The following NRXN1 variants were observed in gnomAD, a reference collection of about 807,000 sequenced individuals.
NRXN1 encodes neurexin 1, also known as neurexin-1.
In NRXN1, 39 loss-of-function variants were observed where a neutral mutation model predicts 150.9. The ratio of observed to expected loss-of-function variants is 0.26; its 90% CI spans 0.20 to 0.34. NRXN1 has a LOEUF of 0.34. Among genes scored for constraint, NRXN1 ranks in the 10% least tolerant of loss-of-function variants. The pLI is 1.00. For missense variants in NRXN1, 1,815 were observed against 1,949.9 expected (o/e 0.93, Z 1.30); for synonymous variants, 924 against 757.0 (o/e 1.22, Z -3.62).
chr2:49,980,564 C>T (rs1478278340), intron 21 of NRXN1, among the ~76,000 whole-genome samples: 1 of 152,028 alleles, frequency 6.6e-6, no homozygotes, highest in East Asian at 1.9e-4. Context: ...GGGATAGTTT[C>T]CCATATTGAG....
chr2:50,703,547 T>C (rs191777559), intron 5 of NRXN1, among the ~76,000 whole-genome samples: 97 of 152,274 alleles, frequency 6.4e-4, no homozygotes, highest in African/African-American at 2.3e-3. Context: ...TCATTTAAAG[T>C]ATGTTTTGGT....
chr2:50,971,313 G>A (rs1301914988), intron 2 of NRXN1, among the ~76,000 whole-genome samples: 1 of 152,076 alleles, frequency 6.6e-6, no homozygotes, highest in African/African-American at 2.4e-5. Flanking sequence ...GGCCGGGCGT[G>A]GTGGCTCACA....
intron 5 of NRXN1, among the ~76,000 whole-genome samples, chr2:50,770,036 A>C (rs1246545514): frequency 6.6e-6 from 1 of 152,108 alleles, no homozygotes; most frequent in African/African-American, 2.4e-5. Context: ...TTCCCTGTAC[A>C]TCTAAGAAGA....
At chr2:50,552,375 C>T (rs1054145653) in intron 9 of NRXN1, among the ~76,000 whole-genome samples, 3 of 152,162 alleles carry the variant, frequency 2.0e-5, no homozygotes, top group Non-Finnish European at 2.9e-5. Flanking sequence ...TTTTAGAAGA[C>T]ATTTGAGCAT....
chr2:50,105,437 G>C (rs572030219), intron 18 of NRXN1, among the ~76,000 whole-genome samples: 1 of 152,122 alleles, frequency 6.6e-6, no homozygotes, highest in Middle Eastern at 3.4e-3. Context: ...CAGAGAAATA[G>C]CCAGTGTCTT....
intron 5 of NRXN1, among the ~76,000 whole-genome samples, chr2:50,908,786 A>T (rs1178114925): frequency 6.6e-6 from 1 of 151,976 alleles, no homozygotes; most frequent in Non-Finnish European, 1.5e-5. Context: ...GGTCATCAGT[A>T]TGGAGCCCCC....
intron 5 of NRXN1, among the ~76,000 whole-genome samples, chr2:50,722,194 C>A (rs558317285): frequency 5.3e-5 from 8 of 152,184 alleles, no homozygotes; most frequent in African/African-American, 1.9e-4. Context: ...TCATTTACTG[C>A]ATTATTTCTA....
intron 8 of NRXN1, among the ~76,000 whole-genome samples, chr2:50,595,493 T>G (rs1035255029): frequency 2.0e-5 from 3 of 151,472 alleles, no homozygotes; most frequent in African/African-American, 7.3e-5. Context: ...TTGCTCCAGG[T>G]GAGAGAAGCA....
intron 5 of NRXN1, among the ~76,000 whole-genome samples, chr2:50,658,272 G>C (rs1360969096): frequency 6.6e-6 from 1 of 151,884 alleles, no homozygotes; most frequent in Non-Finnish European, 1.5e-5. Context: ...GGTAAAAGCA[G>C]GTGGGTGTAT....
At chr2:50,440,036 T>A (rs1240006873) in intron 17 of NRXN1, among the ~76,000 whole-genome samples, 1 of 152,146 alleles carries the variant, frequency 6.6e-6, no homozygotes, top group Non-Finnish European at 1.5e-5. Context: ...ACTGGATCAT[T>A]TATGACTAGA....
intron 5 of NRXN1, among the ~76,000 whole-genome samples, chr2:50,673,466 G>A (rs1689132828): frequency 6.6e-6 from 1 of 152,012 alleles, no homozygotes; most frequent in African/African-American, 2.4e-5. Context: ...AGAAACAAAT[G>A]TAAAAACCCA....
chr2:49,976,272 A>T lies in NRXN1; in HGVS notation c.4129-32481T>A, dbSNP rs376923041. On this transcript the variant is annotated intron_variant, in intron 21 of 22. Transcript: ENST00000401669. Reference sequence around the variant, plus strand: ...GGTCTCAAACTCCTGATCTCGAGTGATCCGCCCACCTTGGCCTCCCAAAGT... The same window carrying T: ...GGTCTCAAACTCCTGATCTCGAGTGTTCCGCCCACCTTGGCCTCCCAAAGT... 3.8e-4 allele frequency among the ~76,000 whole-genome samples: 58 copies of T among 151,218 alleles called. No individual in the cohort carries two copies. In the South Asian group the frequency reaches 0.011, roughly 28 times the overall value.
At chr2:50,640,712 G>A (rs983681328) in intron 5 of NRXN1, among the ~76,000 whole-genome samples, 7 of 152,136 alleles carry the variant, frequency 4.6e-5, no homozygotes, top group African/African-American at 1.4e-4. Flanking sequence ...TGTATCTTGC[G>A]ACTGACTTAG....
intron 2 of NRXN1, among the ~76,000 whole-genome samples, chr2:50,972,871 CAGGCAAGACTTGAT>C (rs962315533): frequency 6.6e-6 from 1 of 152,182 alleles, no homozygotes; most frequent in Non-Finnish European, 1.5e-5. Flanking sequence ...CCCTGACTTA[CAGGCAAGACTTGAT>C]AAACTGATCA....
chr2:50,427,106 A>G (rs891370733), intron 17 of NRXN1, among the ~76,000 whole-genome samples: 1 of 152,166 alleles, frequency 6.6e-6, no homozygotes, highest in African/African-American at 2.4e-5. Flanking sequence ...CCAAATTACA[A>G]GCTATCTTGT....
intron 5 of NRXN1, among the ~76,000 whole-genome samples, chr2:50,888,501 T>C (rs1009380282): frequency 6.6e-6 from 1 of 151,460 alleles, no homozygotes; most frequent in African/African-American, 2.4e-5. Context: ...TAAAACAGTC[T>C]AGAGATTTTT....
intron 5 of NRXN1, among the ~76,000 whole-genome samples, chr2:50,747,209 G>C (rs1574332403): frequency 6.6e-6 from 1 of 151,988 alleles, no homozygotes; most frequent in Non-Finnish European, 1.5e-5. Flanking sequence ...GATCAGAAGT[G>C]GTTTTCCACT....
At chr2:50,802,006 G>A (rs771733888) in intron 5 of NRXN1, among the ~76,000 whole-genome samples, 2 of 151,980 alleles carry the variant, frequency 1.3e-5, no homozygotes, top group Non-Finnish European at 2.9e-5. Context: ...GCTAAAAATT[G>A]TCCTCTTTGA....
rs766455865 is a variant in NRXN1 at position 51,028,035 on chromosome 2, T to C, written c.239A>G (p.Glu80Gly). The C allele has an allele frequency of 6.3e-7, 1 of 1,599,276 alleles. No individual in the cohort carries two copies. The highest frequency in any genetic ancestry group is 1.1e-5 in the South Asian group (1 of 90,868). ...GCGGCCGCCGCGCGTCAGAATCAGC[T>C]CCAGGAAGTCGCAGAAGCCCTCGTC... ...FDDEGFCDFL[E>G]LILTRGGRLQ... The change falls in exon 2 of 23, where the codon GAG (glutamate) becomes GGG (glycine). Residue 80 changes from glutamate (E) to glycine (G), a missense_variant. Glu to Gly is a moderately conservative substitution (Grantham distance 98). Coordinates refer to ENST00000401669, the MANE Select transcript of NRXN1 (RefSeq NM_001330078.2).
Sources: allele counts gnomAD v4.1 joint callset (sites outside exome capture counted in the v4.1 genomes callset), GRCh38; gene constraint gnomAD v4.1.1; transcripts MANE v1.5; gene names NCBI Gene and HGNC (gene_info 2026-07-23, HGNC 2026-07-21).